The following SAGE1 variants were observed in gnomAD, a reference collection of about 807,000 sequenced individuals.
SAGE1 encodes the protein cancer/testis antigen 14.
A neutral mutation model predicts 55.4 loss-of-function variants in SAGE1; 55 were observed. The observed-to-expected ratio is 0.99, with a 90% CI of 0.80 to 1.24. The LOEUF (loss-of-function observed/expected upper bound fraction) is 1.24, where lower values mean the gene tolerates loss of function less well. Among genes scored for constraint, SAGE1 ranks in the 50% most tolerant of loss-of-function variants. SAGE1 has a pLI of 0.00. For synonymous variants in SAGE1, 240 were observed against 244.3 expected (o/e 0.98, Z 0.17); for missense variants, 710 against 704.4 (o/e 1.01, Z -0.09).
intron 2 of SAGE1, among the ~76,000 whole-genome samples, chrX:135,899,201 T>C (rs1556595216): frequency 8.9e-6 from 1 of 112,074 alleles, no homozygotes; most frequent in Non-Finnish European, 1.9e-5. Flanking sequence ...CAGTTTCAAA[T>C]TTTGCATACA....
chrX:135,912,958 T>C lies in SAGE1; in HGVS notation c.*61T>C. The C allele has an allele frequency of 4.1e-6, 3 of 736,555 alleles. No individual in the cohort carries two copies. The highest frequency in any genetic ancestry group is 5.4e-5 in the Admixed American group (2 of 37,101). The allele number at this position is 736,555 out of a possible 1,213,427, so 60.7% of individuals were successfully genotyped here. A position where few individuals can be genotyped will look rare whatever the true frequency, so the allele number is the denominator to read the frequency against. On this transcript the variant is annotated 3_prime_UTR_variant, in exon 20 of 20. Coordinates refer to ENST00000370709, the MANE Select transcript of SAGE1 (RefSeq NM_001381902.1). ...ATATGCTGTAGGATGGAACAGGTTA[T>C]TGCTGAAGCTCCCTATAATCCTGAA...
At chrX:135,908,435 A>G in intron 11 of SAGE1, 42 bp from the exon 12 acceptor site, 1 of 1,172,110 alleles carries the variant, frequency 8.5e-7, no homozygotes, top group South Asian at 2.0e-5. Flanking sequence ...GCTTGGCATA[A>G]TGCACTTAAC....
At position 135,905,940 on chromosome X, in the gene SAGE1, A is replaced by G. The variant is rs190588476; in HGVS notation, c.455-84A>G. The G allele has an allele frequency of 1.3e-4, 110 of 831,491 alleles. No individual in the cohort carries two copies. In the Admixed American group the frequency reaches 3.3e-3, roughly 25 times the overall value. The allele number at this position is 831,491 out of a possible 1,213,427, so 68.5% of individuals were successfully genotyped here. On this transcript the variant is annotated intron_variant, in intron 5 of 19. Transcript: ENST00000370709. ...CTCCTGGTTTATGGGATAATTTCCT[A>G]GAAACTGAGCATCAGAGGGATATAC...
intron 2 of SAGE1, among the ~76,000 whole-genome samples, chrX:135,897,252 C>G (rs2088601224): frequency 8.9e-6 from 1 of 112,309 alleles, no homozygotes. Context: ...TTACTAACTT[C>G]ACCATTAGAA....
intron 2 of SAGE1, among the ~76,000 whole-genome samples, chrX:135,899,169 T>C (rs1221770494): frequency 8.9e-6 from 1 of 111,848 alleles, no homozygotes; most frequent in East Asian, 2.8e-4. Context: ...TAAATTTTTG[T>C]ATAAGGTGTA....
rs139534765 is a variant in SAGE1, at chrX:135,894,193, C to T, written c.-1+412C>T. ...GTTCAAGTGATTCTCCTGCCTCAGCCTCCCAAATAGCTGGGATTACAGGCA... is the reference window on the plus strand; with the variant it reads ...GTTCAAGTGATTCTCCTGCCTCAGCTTCCCAAATAGCTGGGATTACAGGCA... On this transcript the variant is annotated intron_variant, in intron 1 of 19. Coordinates refer to ENST00000370709, the MANE Select transcript of SAGE1 (RefSeq NM_001381902.1). Among the ~76,000 whole-genome samples, 505 of 112,232 alleles carry T rather than the reference C, an allele frequency of 4.5e-3. 3 individuals are homozygous for T. Among genetic ancestry groups the T allele is most frequent in the African/African-American group, 0.014 (439 of 30,925 alleles).
chrX:135,911,687 G>A lies in SAGE1; in HGVS notation c.2255G>A (p.Gly752Glu), dbSNP rs1369927725. The part of the protein sequence containing the change: ...SDSPELINMT[G>E]HCMPPNALDS... ...TCACCAGAGCTGATAAATATGACAG[G>A]ACATTGTATGCCACCCAATGCATTG... Residue 752 changes from glycine (G) to glutamate (E), a missense_variant, in exon 18 of 20, where the codon GGA becomes GAA. Gly to Glu is a moderately conservative substitution (Grantham distance 98). Transcript: ENST00000370709. 1 of 1,204,377 alleles carries A rather than the reference G, an allele frequency of 8.3e-7. No homozygotes were observed. The highest frequency in any genetic ancestry group is 3.0e-5 in the East Asian group (1 of 33,761).
At chrX:135,901,482 G>A (rs782479534) in intron 2 of SAGE1, 77 bp from the exon 3 acceptor site, 24 of 953,165 alleles carry the variant, frequency 2.5e-5, no homozygotes, top group Non-Finnish European at 3.4e-5. Context: ...ATGCATGGCT[G>A]TGTATGCATA....
At chrX:135,900,869 G>A (rs1173937158) in intron 2 of SAGE1, among the ~76,000 whole-genome samples, 3 of 110,911 alleles carry the variant, frequency 2.7e-5, no homozygotes, top group African/African-American at 9.8e-5. Context: ...AAAAGAGGCC[G>A]GGTGTGGTGG....
At chrX:135,910,387 C>T (rs919077436) in intron 15 of SAGE1, 28 bp from the exon 16 acceptor site, 1 of 1,206,517 alleles carries the variant, frequency 8.3e-7, no homozygotes, top group Non-Finnish European at 1.1e-6. Context: ...GCACTTACCT[C>T]ACGCCCAACC....
intron 2 of SAGE1, among the ~76,000 whole-genome samples, chrX:135,901,004 G>A (rs1339344483): frequency 1.8e-5 from 2 of 108,871 alleles, no homozygotes; most frequent in African/African-American, 6.7e-5. Context: ...ATAGCCGGGC[G>A]TGGTGGCGGG....
rs1556605796 is a variant in SAGE1 at position 135,910,468 on chromosome X, G to A, written c.1918G>A (p.Ala640Thr). 2 of 1,209,653 alleles carry A rather than the reference G, an allele frequency of 1.7e-6. No individual in the cohort carries two copies. The highest frequency in any genetic ancestry group is 2.2e-6 in the Non-Finnish European group (2 of 893,695). Residue 640 changes from alanine to threonine, a missense_variant, in exon 16 of 20, where the codon GCA (alanine) becomes ACA (threonine). Coordinates refer to ENST00000370709, the MANE Select transcript of SAGE1 (RefSeq NM_001381902.1). Reference sequence around the variant, plus strand: ...AGAGAAGATAAATAACAGCCAACCAGCACCTGGTAACATCTTGTCAACTGC... The same window carrying A: ...AGAGAAGATAAATAACAGCCAACCAACACCTGGTAACATCTTGTCAACTGC... ...REEKINNSQP[A>T]PGNILSTAPP...
At chrX:135,906,816 T>A in intron 7 of SAGE1, 110 bp from the exon 8 acceptor site, 1 of 998,280 alleles carries the variant, frequency 1.0e-6, no homozygotes, top group Non-Finnish European at 1.4e-6. Context: ...ACCTGGTATA[T>A]CCTCCTGTTT....
chrX:135,908,552 A>G lies in SAGE1; in HGVS notation c.1376A>G (p.Asn459Ser), dbSNP rs1556603844. ...CGAAAACAGGATAACGTCTTGTCAA[A>G]TGTTCTATCCGGGCTTATTAATATG... ...GQRKQDNVLS[N>S]VLSGLINMAG... The change falls in exon 12 of 20, where the codon AAT becomes AGT. Residue 459 changes from asparagine (N) to serine (S), a missense_variant. By Grantham distance (46) the Asn-to-Ser change is conservative. Coordinates refer to ENST00000370709, the MANE Select transcript of SAGE1 (RefSeq NM_001381902.1). The G allele has an allele frequency of 1.7e-6, 2 of 1,207,518 alleles. No homozygotes were observed. Among genetic ancestry groups the G allele is most frequent in the South Asian group, 3.5e-5 (2 of 56,442 alleles).
In SAGE1 at chrX:135,911,665, C is replaced by A. The variant is rs781942834; in HGVS notation, c.2233C>A (p.Pro745Thr). The A allele has an allele frequency of 2.5e-6, 3 of 1,209,827 alleles. No homozygotes were observed. The highest frequency in any genetic ancestry group is 4.3e-5 in the Admixed American group (2 of 46,022). Residue 745 changes from proline to threonine, a missense_variant, in exon 18 of 20, where the codon CCA (proline) becomes ACA (threonine). Transcript: ENST00000370709. Reference sequence around the variant, plus strand: ...TGGCTTCCTGTCAAATTCTGATTCACCAGAGCTGATAAATATGACAGGACA... The same window carrying A: ...TGGCTTCCTGTCAAATTCTGATTCAACAGAGCTGATAAATATGACAGGACA... ...PDGFLSNSDS[P>T]ELINMTGHCM...
At position 135,906,948 on chromosome X, in the gene SAGE1, C is replaced by T. The variant is rs374723588; in HGVS notation, c.759C>T (p.Val253=). 63 of 1,207,895 alleles carry T rather than the reference C, an allele frequency of 5.2e-5. No individual in the cohort carries two copies. The highest frequency in any genetic ancestry group is 6.4e-5 in the Non-Finnish European group (57 of 894,026). The change falls in exon 8 of 20, where the codon GTC becomes GTT. Residue 253 remains valine, a synonymous_variant. Coordinates refer to ENST00000370709, the MANE Select transcript of SAGE1 (RefSeq NM_001381902.1). ...CAGATGCTACCATCACTTACAATGT[C>T]CCTGAGGAGAAGATGGAAAAGGGCC... ...RDPYATITYN[V]PEEKMEKGQP... is the part of the protein sequence containing the mutation.
chrX:135,909,807 C>G, intron 14 of SAGE1, 28 bp downstream of exon 14: 1 of 1,159,073 alleles, frequency 8.6e-7, no homozygotes, highest in Non-Finnish European at 1.2e-6. Flanking sequence ...GTTGTACTGT[C>G]CTACTTGGTT....
intron 10 of SAGE1, 120 bp downstream of exon 10, chrX:135,907,961 A>G (rs868907518): frequency 2.5e-5 from 26 of 1,053,227 alleles, no homozygotes; most frequent in Middle Eastern, 5.2e-4. Context: ...AGGGTTTTCA[A>G]TTGCTCCCTG....
At position 135,907,043 on chromosome X, in the gene SAGE1, C is replaced by T. The variant is rs782154178; in HGVS notation, c.854C>T (p.Pro285Leu). Residue 285 changes from proline (P) to leucine (L), a missense_variant, in exon 8 of 20, where the codon CCA (proline) becomes CTA (leucine). Coordinates refer to ENST00000370709, the MANE Select transcript of SAGE1 (RefSeq NM_001381902.1). Reference sequence around the variant, plus strand: ...ATTAATGTGGCAGGAGCTGGTACTCCAGCCATCAGCACCAATGGCCTGTGT... The same window carrying T: ...ATTAATGTGGCAGGAGCTGGTACTCTAGCCATCAGCACCAATGGCCTGTGT... ...GLINVAGAGT[P>L]AISTNGLYST... 1.7e-6 allele frequency: 2 copies of T among 1,207,776 alleles called. No homozygotes were observed. The highest frequency in any genetic ancestry group is 1.8e-5 in the African/African-American group (1 of 57,092).
Sources: allele counts gnomAD v4.1 joint callset (sites outside exome capture counted in the v4.1 genomes callset), GRCh38; gene constraint gnomAD v4.1.1; transcripts MANE v1.5; gene names NCBI Gene and HGNC (gene_info 2026-07-23, HGNC 2026-07-21).